Variants in COL10A1 observed in about 807,000 individuals in gnomAD.
The protein encoded by COL10A1 is collagen type X alpha 1 chain.
COL10A1 carries 10 observed loss-of-function variants against 18.2 expected under a neutral mutation model. The observed-to-expected ratio is 0.55, with a 90% CI of 0.34 to 0.93. COL10A1 has a LOEUF of 0.93. Ranked by LOEUF, COL10A1 falls within the 40% of genes least tolerant of loss-of-function variation. The probability of loss-of-function intolerance (pLI) is 0.02; values close to 1 mark genes in which losing one functional copy is unlikely to be tolerated. For synonymous variants in COL10A1, 330 were observed against 316.6 expected (o/e 1.04, Z -0.45); for missense variants, 897 against 853.5 (o/e 1.05, Z -0.64).
chr6:116,175,951 GCTT>G, the COL10A1 span, among the ~76,000 whole-genome samples: 2 of 152,010 alleles, frequency 1.3e-5, no homozygotes, highest in African/African-American at 2.4e-5. Flanking sequence ...TTGTTTGGGG[GCTT>G]CTTGTTTGTT....
chr6:116,158,006 C>A (rs1457210447), intron 1 of COL10A1, among the ~76,000 whole-genome samples: 1 of 152,188 alleles, frequency 6.6e-6, no homozygotes, highest in African/African-American at 2.4e-5. Context: ...GTTTTTTCCT[C>A]TGATCATTTG....
chr6:116,191,460 T>A, the COL10A1 span, among the ~76,000 whole-genome samples: 2 of 151,978 alleles, frequency 1.3e-5, no homozygotes, highest in Non-Finnish European at 2.9e-5. Context: ...GTGTAAGAGG[T>A]TTCTACTTAG....
chr6:116,140,709 A>G (rs1366775565), intron 1 of COL10A1, among the ~76,000 whole-genome samples: 1 of 152,140 alleles, frequency 6.6e-6, no homozygotes, highest in Admixed American at 6.5e-5. Flanking sequence ...GCATGTTTTT[A>G]AATTATATAT....
the COL10A1 span, among the ~76,000 whole-genome samples, chr6:116,182,596 T>G: frequency 3.3e-5 from 5 of 152,192 alleles, no homozygotes; most frequent in South Asian, 1.0e-3. Context: ...AGTAAGGTGG[T>G]ATCACATTAT....
intron 1 of COL10A1, among the ~76,000 whole-genome samples, chr6:116,146,879 C>T (rs891097653): frequency 1.3e-5 from 2 of 151,442 alleles, no homozygotes; most frequent in African/African-American, 2.4e-5. Context: ...TGTGCCCTAC[C>T]TCACACCTAA....
chr6:116,216,567 A>C, the COL10A1 span, among the ~76,000 whole-genome samples: 1 of 151,842 alleles, frequency 6.6e-6, no homozygotes, highest in South Asian at 2.1e-4. Context: ...CCCAGCTTTT[A>C]TTTGAGAGAC....
chr6:116,177,747 T>TG, the COL10A1 span, among the ~76,000 whole-genome samples: 1,306 of 152,272 alleles, frequency 8.6e-3, 60 homozygotes, highest in Admixed American at 0.079. Flanking sequence ...ATAATAATAT[T>TG]CTAAAATGTT....
upstream of COL10A1, among the ~76,000 whole-genome samples, chr6:116,129,197 C>G (rs987832858): frequency 1.3e-5 from 2 of 152,110 alleles, no homozygotes; most frequent in African/African-American, 2.4e-5. Flanking sequence ...TCCTGTAGTT[C>G]ACATACATAT....
intron 1 of COL10A1, among the ~76,000 whole-genome samples, chr6:116,147,381 G>C (rs62414129): frequency 0.014 from 2,076 of 152,098 alleles, 13 homozygotes; most frequent in Non-Finnish European, 0.023. Flanking sequence ...GGCAGAGGTT[G>C]CAGTGAACTG....
chr6:116,203,090 G>A, the COL10A1 span, among the ~76,000 whole-genome samples: 1 of 151,900 alleles, frequency 6.6e-6, no homozygotes, highest in Non-Finnish European at 1.5e-5. Flanking sequence ...ACAGGAAATA[G>A]TGAAGTTATA....
chr6:116,169,297 G>A, the COL10A1 span, among the ~76,000 whole-genome samples: 15 of 152,150 alleles, frequency 9.9e-5, no homozygotes, highest in Non-Finnish European at 2.2e-4. Context: ...TAGACAATTT[G>A]TTCAAATGGC....
the COL10A1 span, among the ~76,000 whole-genome samples, chr6:116,178,088 T>TGTGTGTGCGCGC: frequency 2.0e-5 from 2 of 99,622 alleles, no homozygotes; most frequent in African/African-American, 9.3e-5. Flanking sequence ...TGTGTGTGTG[T>TGTGTGTGCGCGC]GCGCGCGCGC....
intron 1 of COL10A1, among the ~76,000 whole-genome samples, chr6:116,142,740 G>A (rs1010552642): frequency 2.0e-5 from 3 of 152,082 alleles, no homozygotes; most frequent in Non-Finnish European, 4.4e-5. Flanking sequence ...AATAGAATTT[G>A]GGACTGCTTT....
the COL10A1 span, among the ~76,000 whole-genome samples, chr6:116,209,751 C>T: frequency 4.0e-5 from 6 of 151,838 alleles, no homozygotes; most frequent in Non-Finnish European, 7.4e-5. Flanking sequence ...GAGACAATAT[C>T]AGTTCAGTGA....
Position 116,126,054 on chromosome 6 carries a change from T to C in COL10A1, c.-17A>G, listed in dbSNP as rs1779295904. On this transcript the variant is annotated splice_region_variant and 5_prime_UTR_variant, in exon 1 of 3. Transcript: ENST00000651968. ...GTCCACCAGTAAGCGTACGCTTACC[T>C]GCGTGCTGGGAGTTCCTGGAGATGG... 6.4e-6 allele frequency: 1 copy of C among 155,066 alleles called. No individual in the cohort carries two copies. The highest frequency in any genetic ancestry group is 1.4e-5 in the Non-Finnish European group (1 of 70,052). The allele number at this position is 155,066 out of a possible 1,614,324, so 9.6% of individuals were successfully genotyped here.
chr6:116,171,892 A>G, the COL10A1 span, among the ~76,000 whole-genome samples: 1 of 152,348 alleles, frequency 6.6e-6, no homozygotes, highest in South Asian at 2.1e-4. Context: ...TTCTATATAC[A>G]GGGAAGTTTA....
At chr6:116,155,119 A>C in intron 1 of COL10A1, among the ~76,000 whole-genome samples, 1 of 152,286 alleles carries the variant, frequency 6.6e-6, no homozygotes, top group East Asian at 1.9e-4. Context: ...TTTCAATGGC[A>C]AAGTATGTGG....
chr6:116,200,474 G>C, the COL10A1 span, among the ~76,000 whole-genome samples: 69 of 152,052 alleles, frequency 4.5e-4, 1 homozygote, highest in South Asian at 0.014. Context: ...TATTGATAGG[G>C]AAATTGAGTG....
intron 1 of COL10A1, among the ~76,000 whole-genome samples, chr6:116,134,864 G>GT (rs1779551401): frequency 6.6e-6 from 1 of 152,164 alleles, no homozygotes; most frequent in African/African-American, 2.4e-5. Context: ...GGATATAGAT[G>GT]TAAGAGGGTA....
Sources: allele counts gnomAD v4.1 joint callset (sites outside exome capture counted in the v4.1 genomes callset), GRCh38; gene constraint gnomAD v4.1.1; transcripts MANE v1.5; gene names NCBI Gene and HGNC (gene_info 2026-07-23, HGNC 2026-07-21).